Variants in ZNF706 observed in about 807,000 individuals in gnomAD.
ZNF706 encodes transcriptional regulator ZNF706.
In ZNF706, 4 loss-of-function variants were observed where a neutral mutation model predicts 9.2. That is an observed-to-expected ratio of 0.43 (90% confidence interval 0.21 to 0.99). The LOEUF (loss-of-function observed/expected upper bound fraction) is 0.99, where lower values mean the gene tolerates loss of function less well. Ranked by LOEUF, ZNF706 falls within the 50% of genes least tolerant of loss-of-function variation. The probability of loss-of-function intolerance (pLI) is 0.26; values close to 1 mark genes in which losing one functional copy is unlikely to be tolerated. For missense variants in ZNF706, 27 were observed against 87.8 expected (o/e 0.31, Z 2.77); for synonymous variants, 28 against 27.3 (o/e 1.03, Z -0.08).
intron 1 of ZNF706, chr8:101,202,828 T>C (rs1429755707): frequency 6.6e-6 from 1 of 152,238 alleles, no homozygotes; most frequent in South Asian, 2.1e-4. Context: ...CCCTTCCCAG[T>C]ATTCATTGTG....
In ZNF706 at chr8:101,201,812, C is replaced by T. The variant is rs1028784171; in HGVS notation, c.-2-69G>A. 8.0e-6 allele frequency: 12 copies of T among 1,505,770 alleles called. No homozygotes were observed. The Admixed American group carries it at 1.4e-4, about 18-fold the overall frequency. The allele number at this position is 1,505,770 out of a possible 1,614,324, so 93.3% of individuals were successfully genotyped here. A position where few individuals can be genotyped will look rare whatever the true frequency, so the allele number is the denominator to read the frequency against. ...ATACAGAGTAATCAAAGCATAAGAACGTTCTTAGAATTGAAGCCTTAAGTT... is the reference window on the plus strand; with the variant it reads ...ATACAGAGTAATCAAAGCATAAGAATGTTCTTAGAATTGAAGCCTTAAGTT... On this transcript the variant is annotated intron_variant, in intron 1 of 3. Coordinates refer to ENST00000311212, the MANE Select transcript of ZNF706 (RefSeq NM_016096.5). This position sits in a 1 kb window ranked among gnomAD's most constrained non-coding sequence, Gnocchi z 4.5.
At chr8:101,203,698 T>C (rs982629186) in intron 1 of ZNF706, 7 of 152,310 alleles carry the variant, frequency 4.6e-5, no homozygotes, top group East Asian at 1.9e-4. Flanking sequence ...ATTTTCGTAA[T>C]TGAAAATGTT....
In ZNF706 at chr8:101,205,614, CCCG is replaced by C; in HGVS notation, c.-185_-183del. The stretch of plus-strand genomic sequence containing the variant: ...CTCGCACGCCCGCCGCCGCCGCGCG[CCCG>C]CCGCCGCCTCAGCCTTAGGGGAGAC... On this transcript the variant is annotated 5_prime_UTR_variant, in exon 1 of 4. Transcript: ENST00000311212. The surrounding 1 kb of genome is among the most constrained non-coding windows in gnomAD (Gnocchi z 6.6). The C allele has an allele frequency of 1.8e-5, 3 of 164,704 alleles. No individual in the cohort carries two copies. Among genetic ancestry groups the C allele is most frequent in the Non-Finnish European group, 3.9e-5 (3 of 77,306 alleles). 10.2% of individuals were successfully genotyped at this position (164,704 alleles called of 1,614,324 possible). A position where few individuals can be genotyped will look rare whatever the true frequency, so the allele number is the denominator to read the frequency against.
Position 101,201,511 on chromosome 8 carries a change from G to T in ZNF706, c.135+96C>A. 1 of 1,094,576 alleles carries T rather than the reference G, an allele frequency of 9.1e-7. No homozygotes were observed. The highest frequency in any genetic ancestry group is 1.3e-6 in the Non-Finnish European group (1 of 762,742). 67.8% of individuals were successfully genotyped at this position (1,094,576 alleles called of 1,614,324 possible). A position where few individuals can be genotyped will look rare whatever the true frequency, so the allele number is the denominator to read the frequency against. On this transcript the variant is annotated intron_variant, in intron 2 of 3. Transcript: ENST00000311212. The surrounding 1 kb of genome is among the most constrained non-coding windows in gnomAD (Gnocchi z 4.5). Reference sequence around the variant, plus strand: ...TCAGCTCTCAAACCTACTATTTCATGTAAAGCATCTATTTTGCCATGGTTT... The same window carrying T: ...TCAGCTCTCAAACCTACTATTTCATTTAAAGCATCTATTTTGCCATGGTTT...
chr8:101,200,017 A>C lies in ZNF706; in HGVS notation c.216T>G (p.Ala72=). 3 of 1,611,690 alleles carry C rather than the reference A, an allele frequency of 1.9e-6. No homozygotes were observed. The highest frequency in any genetic ancestry group is 2.5e-6 in the Non-Finnish European group (3 of 1,179,504). ...HPKTPLPPEL[A]DVQA is the part of the protein sequence containing the mutation. ...GTAAACAACCTTATGCCTGAACATC[A>C]GCTAATTCTGGAGGAAGTGGAGTCT... is the stretch of plus-strand genomic sequence containing the variant. The change falls in exon 3 of 4, where the codon GCT becomes GCG. Residue 72 remains alanine (A), a synonymous_variant. Coordinates refer to ENST00000311212, the MANE Select transcript of ZNF706 (RefSeq NM_016096.5).
chr8:101,202,455 CAAAAA>C (rs1451308129), intron 1 of ZNF706: 1 of 151,834 alleles, frequency 6.6e-6, no homozygotes, highest in Non-Finnish European at 1.5e-5. Context: ...ACTCTGGTCT[CAAAAA>C]TAAATAAACA....
chr8:101,206,040 A>C (rs1810762056), upstream of ZNF706: 1 of 150,714 alleles, frequency 6.6e-6, no homozygotes, highest in African/African-American at 2.4e-5. Context: ...AGGCGCTGCG[A>C]CCCTTTTCCC....
Position 101,199,159 on chromosome 8 carries a change from AAC to A in ZNF706, c.*91_*92del, listed in dbSNP as rs758227739. 9 of 688,808 alleles carry A rather than the reference AAC, an allele frequency of 1.3e-5. No individual in the cohort carries two copies. The highest frequency in any genetic ancestry group is 2.7e-5 in the East Asian group (1 of 37,104). 42.7% of individuals were successfully genotyped at this position (688,808 alleles called of 1,614,324 possible). ...TGTAGCCCCTTTATTTTTGCTGATC[AAC>A]AGTTTGTTAGAAAAGCAGCTGCAGG... On this transcript the variant is annotated 3_prime_UTR_variant, in exon 4 of 4. Transcript: ENST00000311212.
intron 1 of ZNF706, chr8:101,203,858 T>C (rs1282954941): frequency 6.6e-6 from 1 of 152,170 alleles, no homozygotes; most frequent in African/African-American, 2.4e-5. Flanking sequence ...TTTAAAAGTG[T>C]ATTTAAGTCC....
Position 101,198,450 on chromosome 8 carries a change from G to A in ZNF706, c.*802C>T, listed in dbSNP as rs999292589. 1 of 151,984 alleles carries A rather than the reference G, an allele frequency of 6.6e-6. No individual in the cohort carries two copies. The highest frequency in any genetic ancestry group is 1.5e-5 in the Non-Finnish European group (1 of 67,986). The allele number at this position is 151,984 out of a possible 1,614,324, so 9.4% of individuals were successfully genotyped here. A position where few individuals can be genotyped will look rare whatever the true frequency, so the allele number is the denominator to read the frequency against. On this transcript the variant is annotated 3_prime_UTR_variant, in exon 4 of 4. Coordinates refer to ENST00000311212, the MANE Select transcript of ZNF706 (RefSeq NM_016096.5). ...TTTCAAAGAATATAGTATCAAGATC[G>A]ACCTTTACCAGTTCACATTTGTTCC... is the stretch of plus-strand genomic sequence containing the variant.
intron 1 of ZNF706, chr8:101,203,819 A>T (rs1810651439): frequency 6.6e-6 from 1 of 152,252 alleles, no homozygotes; most frequent in Non-Finnish European, 1.5e-5. Flanking sequence ...AAAAAAAATT[A>T]TTAATTCTAA....
Position 101,205,662 on chromosome 8 carries a change from G to GCACGC in ZNF706, c.-235_-231dup, listed in dbSNP as rs1810744117. ...GGAGACCACTACGCCTCGTGCCCGCGCACGCCGCGCCGCTCTCCTCGGCGC... is the reference window on the plus strand; with the variant it reads ...GGAGACCACTACGCCTCGTGCCCGCGCACGCCACGCCGCGCCGCTCTCCTCGGCGC... On this transcript the variant is annotated 5_prime_UTR_variant, in exon 1 of 4. Transcript: ENST00000311212. This position sits in a 1 kb window ranked among gnomAD's most constrained non-coding sequence, Gnocchi z 6.6. The GCACGC allele has an allele frequency of 6.4e-6, 1 of 155,354 alleles. No homozygotes were observed. Among genetic ancestry groups the GCACGC allele is most frequent in the Non-Finnish European group, 1.4e-5 (1 of 70,038 alleles). The allele number at this position is 155,354 out of a possible 1,614,324, so 9.6% of individuals were successfully genotyped here. A position where few individuals can be genotyped will look rare whatever the true frequency, so the allele number is the denominator to read the frequency against.
At chr8:101,203,020 T>C (rs1265987433) in intron 1 of ZNF706, 1 of 152,214 alleles carries the variant, frequency 6.6e-6, no homozygotes, top group Non-Finnish European at 1.5e-5. Flanking sequence ...AATGAGATTA[T>C]CAGCAAGCCA....
Position 101,201,774 on chromosome 8 carries a change from C to T in ZNF706, c.-2-31G>A. 1 of 1,611,074 alleles carries T rather than the reference C, an allele frequency of 6.2e-7. No homozygotes were observed. The highest frequency in any genetic ancestry group is 8.5e-7 in the Non-Finnish European group (1 of 1,178,062). On this transcript the variant is annotated intron_variant, in intron 1 of 3. Coordinates refer to ENST00000311212, the MANE Select transcript of ZNF706 (RefSeq NM_016096.5). This position sits in a 1 kb window ranked among gnomAD's most constrained non-coding sequence, Gnocchi z 4.5. ...AACAGAAGGTGAAGCATTAGAGTGG[C>T]TTATTTACTCTAATACAGAGTAATC...
At chr8:101,203,706 GT>G (rs1199376664) in intron 1 of ZNF706, 7 of 152,164 alleles carry the variant, frequency 4.6e-5, no homozygotes, top group African/African-American at 1.7e-4. Flanking sequence ...AATTGAAAAT[GT>G]TTAGCGTGCT....
Position 101,201,847 on chromosome 8 carries a change from T to C in ZNF706, c.-2-104A>G. ...ATTGAAGCCTTAAGTTTTATAGAAA[T>C]ATCTGGCAAATAAAAATTTATAGGT... is the stretch of plus-strand genomic sequence containing the variant. On this transcript the variant is annotated intron_variant, in intron 1 of 3. Coordinates refer to ENST00000311212, the MANE Select transcript of ZNF706 (RefSeq NM_016096.5). The surrounding 1 kb of genome is among the most constrained non-coding windows in gnomAD (Gnocchi z 4.5). 8.2e-7 allele frequency: 1 copy of C among 1,222,480 alleles called. No individual in the cohort carries two copies. The highest frequency in any genetic ancestry group is 1.1e-6 in the Non-Finnish European group (1 of 885,518). The allele number at this position is 1,222,480 out of a possible 1,614,324, so 75.7% of individuals were successfully genotyped here.
intron 1 of ZNF706, chr8:101,204,596 C>T: frequency 1.0e-6 from 1 of 984,596 alleles, no homozygotes; most frequent in Non-Finnish European, 1.2e-6. Context: ...GCTACAACCG[C>T]TCCTTGATTA....
chr8:101,199,656 A>G (rs1810489334), intron 3 of ZNF706, among the ~76,000 whole-genome samples: 1 of 152,166 alleles, frequency 6.6e-6, no homozygotes, highest in Admixed American at 6.5e-5. Flanking sequence ...GTGCTCAGGA[A>G]CATTGGTGTA....
chr8:101,198,563 T>A lies in ZNF706; in HGVS notation c.*689A>T, dbSNP rs2129871110. ...ACCTTTCACAAGGGCTCACTGACAA[T>A]CCAACCGCTTTTAGGAAGCTATCAG... On this transcript the variant is annotated 3_prime_UTR_variant, in exon 4 of 4. Transcript: ENST00000311212. 1 of 152,272 alleles carries A rather than the reference T, an allele frequency of 6.6e-6. No individual in the cohort carries two copies. Among genetic ancestry groups the A allele is most frequent in the East Asian group, 1.9e-4 (1 of 5,190 alleles). 9.4% of individuals were successfully genotyped at this position (152,272 alleles called of 1,614,324 possible). A position where few individuals can be genotyped will look rare whatever the true frequency, so the allele number is the denominator to read the frequency against.
Sources: allele counts gnomAD v4.1 joint callset (sites outside exome capture counted in the v4.1 genomes callset), GRCh38; gene constraint gnomAD v4.1.1; non-coding constraint Gnocchi (gnomAD v3.1); transcripts MANE v1.5; gene names NCBI Gene and HGNC (gene_info 2026-07-23, HGNC 2026-07-21).